Variants in CCNY observed in about 807,000 individuals in gnomAD.
CCNY encodes cyclin-Y.
A neutral mutation model predicts 42.8 loss-of-function variants in CCNY; 19 were observed. That is an observed-to-expected ratio of 0.44 (90% CI 0.31 to 0.65). The LOEUF (loss-of-function observed/expected upper bound fraction) is 0.65, where lower values mean the gene tolerates loss of function less well. Ranked by LOEUF, CCNY falls within the 30% of genes least tolerant of loss-of-function variation. The pLI, the probability that CCNY is intolerant of heterozygous loss-of-function variation, is 0.07. For synonymous variants in CCNY, 165 were observed against 162.7 expected (o/e 1.01, Z -0.11); for missense variants, 370 against 437.3 (o/e 0.85, Z 1.37).
chr10:35,289,146 T>A (rs1037321850), intron 3 of CCNY, among the ~76,000 whole-genome samples: 1 of 152,072 alleles, frequency 6.6e-6, no homozygotes, highest in African/African-American at 2.4e-5. Context: ...TGGTTAAAAA[T>A]TTTATTTTGT....
At chr10:35,295,679 GCTTAATCTTTTCAAAGTTCT>G (rs915564252) in intron 3 of CCNY, among the ~76,000 whole-genome samples, 4 of 151,800 alleles carry the variant, frequency 2.6e-5, no homozygotes, top group African/African-American at 9.7e-5. Flanking sequence ...ATTTCTCTTA[GCTTAATCTTTTCAAAGTTCT>G]CTTAATCTTT....
intron 1 of CCNY, among the ~76,000 whole-genome samples, chr10:35,358,048 G>A (rs1179872713): frequency 1.3e-5 from 2 of 151,836 alleles, no homozygotes; most frequent in East Asian, 3.9e-4. Flanking sequence ...TTAATTTCTG[G>A]CAGGACATTT....
At chr10:35,461,656 G>A (rs991467953) in intron 1 of CCNY, among the ~76,000 whole-genome samples, 3 of 152,106 alleles carry the variant, frequency 2.0e-5, no homozygotes, top group Non-Finnish European at 2.9e-5. Flanking sequence ...AGCATCTTGG[G>A]GATCTTTTTC....
At chr10:35,437,687 A>G (rs561249287) in intron 1 of CCNY, among the ~76,000 whole-genome samples, 17 of 151,902 alleles carry the variant, frequency 1.1e-4, no homozygotes, top group African/African-American at 4.1e-4. Flanking sequence ...AAACACCACC[A>G]CCACCTTTTC....
chr10:35,481,154 G>A (rs187199830), intron 1 of CCNY, among the ~76,000 whole-genome samples: 28 of 152,076 alleles, frequency 1.8e-4, no homozygotes, highest in Non-Finnish European at 3.1e-4. Context: ...ATCGGTTTCC[G>A]TGTCAATAAA....
At chr10:35,255,539 C>A (rs1485628477) in intron 3 of CCNY, among the ~76,000 whole-genome samples, 1 of 151,536 alleles carries the variant, frequency 6.6e-6, no homozygotes, top group Admixed American at 6.6e-5. Context: ...CTCAGGTGAT[C>A]CACCTGCCTC....
At chr10:35,554,943 G>A (rs1841333429) in intron 8 of CCNY, among the ~76,000 whole-genome samples, 1 of 152,136 alleles carries the variant, frequency 6.6e-6, no homozygotes, top group African/African-American at 2.4e-5. Context: ...AACCCACCAG[G>A]TTTAATTCAC....
intron 2 of CCNY, among the ~76,000 whole-genome samples, chr10:35,250,053 G>C (rs1328553435): frequency 1.3e-5 from 2 of 152,138 alleles, no homozygotes; most frequent in African/African-American, 4.8e-5. Context: ...AATTAGCTGG[G>C]CATGGTGGCG....
chr10:35,509,616 C>T (rs1840284679), intron 3 of CCNY, among the ~76,000 whole-genome samples: 1 of 152,146 alleles, frequency 6.6e-6, no homozygotes, highest in South Asian at 2.1e-4. Flanking sequence ...AGTTTGTGAA[C>T]ACTTTGAGGT....
chr10:35,467,044 G>T (rs375758392), intron 1 of CCNY, among the ~76,000 whole-genome samples: 5 of 152,234 alleles, frequency 3.3e-5, no homozygotes, highest in African/African-American at 1.2e-4. Flanking sequence ...GTGAGCAGGG[G>T]CCATACCTGT....
chr10:35,536,272 C>CGCCATGATTCTAAGGCCTCCCCA (rs1840885388), intron 7 of CCNY, among the ~76,000 whole-genome samples: 1 of 152,098 alleles, frequency 6.6e-6, no homozygotes, highest in South Asian at 2.1e-4. Flanking sequence ...TTTCACCCTC[C>CGCCATGATTCTAAGGCCTCCCCA]GCCATGATTC....
chr10:35,550,852 C>T (rs769630454), intron 7 of CCNY, among the ~76,000 whole-genome samples: 11 of 152,146 alleles, frequency 7.2e-5, no homozygotes, highest in Non-Finnish European at 1.5e-4. Flanking sequence ...GGACCAGCCC[C>T]TCCTTTTCTT....
intron 1 of CCNY, among the ~76,000 whole-genome samples, chr10:35,350,069 T>A (rs1436416008): frequency 6.6e-6 from 1 of 152,190 alleles, no homozygotes; most frequent in African/African-American, 2.4e-5. Flanking sequence ...TGCAAAGGGC[T>A]GCGTTGTTCC....
chr10:35,356,187 G>A (rs1240440866), intron 1 of CCNY, among the ~76,000 whole-genome samples: 2 of 152,130 alleles, frequency 1.3e-5, no homozygotes, highest in Non-Finnish European at 2.9e-5. Context: ...TTTTTGCTTT[G>A]TAGATAAGTC....
chr10:35,369,102 A>G (rs975131153), intron 1 of CCNY, among the ~76,000 whole-genome samples: 1 of 152,238 alleles, frequency 6.6e-6, no homozygotes, highest in Non-Finnish European at 1.5e-5. Context: ...AGGGCCAAAC[A>G]TTCAAAAAGC....
chr10:35,525,401 A>C (rs1026859365), intron 4 of CCNY, among the ~76,000 whole-genome samples: 5 of 152,202 alleles, frequency 3.3e-5, no homozygotes, highest in African/African-American at 1.2e-4. Context: ...TTGTTCATTA[A>C]ATTCAGACCT....
chr10:35,253,443 T>TG (rs1243737619), intron 3 of CCNY, among the ~76,000 whole-genome samples: 24 of 135,636 alleles, frequency 1.8e-4, no homozygotes, highest in Non-Finnish European at 3.9e-4. Flanking sequence ...TTTTTTTTTT[T>TG]GTAGAGATGG....
At chr10:35,368,752 T>C (rs1329685927) in intron 1 of CCNY, among the ~76,000 whole-genome samples, 1 of 137,188 alleles carries the variant, frequency 7.3e-6, no homozygotes, top group Non-Finnish European at 1.6e-5. Flanking sequence ...CCTTCCAACT[T>C]GGGAATAAGG....
intron 1 of CCNY, among the ~76,000 whole-genome samples, chr10:35,418,901 A>G (rs1400192583): frequency 6.6e-6 from 1 of 151,484 alleles, no homozygotes; most frequent in African/African-American, 2.4e-5. Context: ...GCTCACTGCA[A>G]CCTCCGCCTC....
Sources: allele counts gnomAD v4.1 joint callset (sites outside exome capture counted in the v4.1 genomes callset), GRCh38; gene constraint gnomAD v4.1.1; transcripts MANE v1.5; gene names NCBI Gene and HGNC (gene_info 2026-07-23, HGNC 2026-07-21).